The following ZNF507 variants were observed in gnomAD, a reference collection of about 807,000 sequenced individuals.
The protein encoded by ZNF507 is zinc finger protein 507.
A neutral mutation model predicts 80.0 loss-of-function variants in ZNF507; 29 were observed. That is an observed-to-expected ratio of 0.36 (90% confidence interval 0.27 to 0.49). The LOEUF (loss-of-function observed/expected upper bound fraction) is 0.49, where lower values mean the gene tolerates loss of function less well. Among genes scored for constraint, ZNF507 ranks in the 20% least tolerant of loss-of-function variants. The pLI is 0.98. For missense variants in ZNF507, 1,081 were observed against 1,152.2 expected (o/e 0.94, Z 0.90); for synonymous variants, 462 against 422.5 (o/e 1.09, Z -1.15).
chr19:32,369,858 A>C (rs1967446292), intron 5 of ZNF507, among the ~76,000 whole-genome samples: 1 of 152,154 alleles, frequency 6.6e-6, no homozygotes. Flanking sequence ...TCTCTAGACA[A>C]GTTCATCCTA....
intron 5 of ZNF507, among the ~76,000 whole-genome samples, chr19:32,374,035 C>T (rs551988503): frequency 1.2e-4 from 19 of 152,306 alleles, no homozygotes; most frequent in African/African-American, 4.3e-4. Flanking sequence ...AGTTTGTTCT[C>T]TGCAGTTACT....
At chr19:32,361,678 C>T (rs879417393) in intron 5 of ZNF507, among the ~76,000 whole-genome samples, 607 of 20,968 alleles carry the variant, frequency 0.029, 12 homozygotes, top group Non-Finnish European at 0.028. Flanking sequence ...TCCTTCCTTC[C>T]TTTCCTTCCT....
At chr19:32,366,545 T>G (rs959840497) in intron 5 of ZNF507, among the ~76,000 whole-genome samples, 1 of 152,240 alleles carries the variant, frequency 6.6e-6, no homozygotes, top group Non-Finnish European at 1.5e-5. Flanking sequence ...CCTAGCAGAA[T>G]TGCATTTCAT....
chr19:32,354,307 C>T lies in ZNF507; in HGVS notation c.1477C>T (p.His493Tyr). ...RRTNSESLRLHSLAAEALVTM... is the reference protein window; with the variant it reads ...RRTNSESLRLYSLAAEALVTM... The stretch of plus-strand genomic sequence containing the variant: ...GACAAATTCTGAGTCTCTTCGATTA[C>T]ACTCATTAGCTGCAGAAGCCCTTGT... Residue 493 changes from histidine (H) to tyrosine (Y), a missense_variant, in exon 3 of 7, where the codon CAC becomes TAC. By Grantham distance (83) the His-to-Tyr change is moderately conservative. This residue lies in a region of ZNF507 where 614 missense variants were observed against 583.9 expected (regional missense o/e 1.05). Coordinates refer to ENST00000355898, the MANE Select transcript of ZNF507 (RefSeq NM_001136156.2). The T allele has an allele frequency of 1.2e-6, 2 of 1,614,144 alleles. No individual in the cohort carries two copies. Among genetic ancestry groups the T allele is most frequent in the Non-Finnish European group, 1.7e-6 (2 of 1,180,036 alleles).
chr19:32,382,192 T>C, intron 5 of ZNF507: 1 of 302,570 alleles, frequency 3.3e-6, no homozygotes, highest in Non-Finnish European at 6.0e-6. Flanking sequence ...TTTCCAAATA[T>C]TGTAATAACT....
chr19:32,354,531 C>T lies in ZNF507; in HGVS notation c.1701C>T (p.Leu567=). The T allele has an allele frequency of 3.1e-6, 5 of 1,614,172 alleles. No individual in the cohort carries two copies. Among genetic ancestry groups the T allele is most frequent in the Non-Finnish European group, 4.2e-6 (5 of 1,180,038 alleles). The change falls in exon 3 of 7, where the codon CTC becomes CTT. Residue 567 remains leucine (L), a synonymous_variant. Transcript: ENST00000355898. ...AAAGCAACTCCACCTTGGTAGCACTCCCAGAGGGTAGGCAGGAATTGTCAG... is the reference window on the plus strand; with the variant it reads ...AAAGCAACTCCACCTTGGTAGCACTTCCAGAGGGTAGGCAGGAATTGTCAG... ...LNQSNSTLVA[L]PEGRQELSDG... is the part of the protein sequence containing the mutation.
At chr19:32,364,053 T>G (rs1328389810) in intron 5 of ZNF507, among the ~76,000 whole-genome samples, 1 of 152,200 alleles carries the variant, frequency 6.6e-6, no homozygotes, top group East Asian at 1.9e-4. Context: ...TTGTGAAGAT[T>G]AGGTGAGATT....
intron 5 of ZNF507, among the ~76,000 whole-genome samples, chr19:32,365,879 G>A (rs955828108): frequency 2.6e-5 from 4 of 152,104 alleles, no homozygotes; most frequent in African/African-American, 7.2e-5. Context: ...GTAGGTGCTC[G>A]GTAAATGTTG....
rs944520057 is a variant in ZNF507, at chr19:32,386,869, A to G, written c.*3786A>G. 2.0e-5 allele frequency: 3 copies of G among 152,600 alleles called. No homozygotes were observed. Among genetic ancestry groups the G allele is most frequent in the South Asian group, 2.1e-4 (1 of 4,830 alleles). 9.5% of individuals were successfully genotyped at this position (152,600 alleles called of 1,614,324 possible). ...TAAAAAAAACTTGGCTCCAAGTTCT[A>G]TTAACCACAGGTTGTGTTCATTCTT... On this transcript the variant is annotated 3_prime_UTR_variant, in exon 7 of 7. Transcript: ENST00000355898.
chr19:32,370,105 CGT>C (rs1274619718), intron 5 of ZNF507, among the ~76,000 whole-genome samples: 2 of 152,248 alleles, frequency 1.3e-5, no homozygotes, highest in Non-Finnish European at 2.9e-5. Flanking sequence ...TGCGTGCATA[CGT>C]GTGTGCGCAC....
At chr19:32,349,869 T>A (rs185852359) in intron 2 of ZNF507, among the ~76,000 whole-genome samples, 1 of 152,222 alleles carries the variant, frequency 6.6e-6, no homozygotes, top group Non-Finnish European at 1.5e-5. Flanking sequence ...ACAGAATTAG[T>A]CATTCTTTCT....
In ZNF507 at chr19:32,352,863, G is replaced by A. The variant is rs1967188151; in HGVS notation, c.33G>A (p.Val11=). ...AAAGTAGCAGTGTTGCCATGTTGGT[G>A]CCAGATATTGGGGAACAGGAAGCTA... MEESSSVAML[V]PDIGEQEAIL... Residue 11 remains valine, a synonymous_variant, in exon 3 of 7, where the codon GTG becomes GTA. Transcript: ENST00000355898. 1.3e-6 allele frequency: 2 copies of A among 1,594,026 alleles called. No homozygotes were observed. The highest frequency in any genetic ancestry group is 8.5e-7 in the Non-Finnish European group (1 of 1,173,506).
intron 2 of ZNF507, among the ~76,000 whole-genome samples, chr19:32,351,535 G>GGGGGGGGGT (rs901951859): frequency 1.3e-5 from 1 of 75,610 alleles, no homozygotes; most frequent in Non-Finnish European, 2.6e-5. Context: ...CGTGGGGGCG[G>GGGGGGGGGT]GCGGGGCCTG....
intron 2 of ZNF507, among the ~76,000 whole-genome samples, chr19:32,349,634 G>A (rs181298371): frequency 6.6e-6 from 1 of 152,182 alleles, no homozygotes; most frequent in East Asian, 1.9e-4. Flanking sequence ...ATAACAATTT[G>A]TTTGTTACAC....
intron 5 of ZNF507, among the ~76,000 whole-genome samples, chr19:32,368,671 A>T (rs1324610242): frequency 6.6e-6 from 1 of 152,200 alleles, no homozygotes; most frequent in East Asian, 1.9e-4. Flanking sequence ...AGGAGGAAAA[A>T]ATATATATTT....
At chr19:32,346,524 CTCT>C (rs1339446004) in intron 1 of ZNF507, among the ~76,000 whole-genome samples, 7 of 152,204 alleles carry the variant, frequency 4.6e-5, no homozygotes, top group African/African-American at 1.7e-4. Flanking sequence ...CAGTACTCCC[CTCT>C]CACTCAGAGT....
intron 5 of ZNF507, among the ~76,000 whole-genome samples, chr19:32,380,372 A>C (rs1464871244): frequency 6.6e-6 from 1 of 151,852 alleles, no homozygotes; most frequent in East Asian, 1.9e-4. Context: ...AAAAGAACTA[A>C]CTGCCTGTTT....
intron 5 of ZNF507, among the ~76,000 whole-genome samples, chr19:32,365,615 A>G (rs17599429): frequency 0.028 from 4,217 of 150,144 alleles, 81 homozygotes; most frequent in Middle Eastern, 0.079. Context: ...GTTTAGTTCA[A>G]TATTGCACTG....
At chr19:32,356,541 C>A in intron 3 of ZNF507, 75 bp from the exon 4 acceptor site, 1 of 1,015,822 alleles carries the variant, frequency 9.8e-7, no homozygotes, top group Non-Finnish European at 1.5e-6. Flanking sequence ...AAGCAATGAA[C>A]CTGTTCTTCT....
Sources: gnomAD v4.1 joint callset for allele counts (sites outside exome capture counted in the v4.1 genomes callset) on GRCh38, gnomAD v4.1.1 for gene constraint, gnomAD v4.1.1 regional missense constraint, MANE v1.5 for transcripts, NCBI Gene and HGNC (gene_info 2026-07-23, HGNC 2026-07-21) for gene names.